The following LRRK1 variants were observed in gnomAD, a reference collection of about 807,000 sequenced individuals.
The protein encoded by LRRK1 is leucine-rich repeat serine/threonine-protein kinase 1.
In LRRK1, 113 loss-of-function variants were observed where a neutral mutation model predicts 209.1. The observed-to-expected ratio is 0.54, with a 90% CI of 0.46 to 0.63. The LOEUF (loss-of-function observed/expected upper bound fraction) is 0.63. Ranked by LOEUF, LRRK1 falls within the 30% of genes least tolerant of loss-of-function variation. The probability of loss-of-function intolerance (pLI) is 0.00; values close to 1 mark genes in which losing one functional copy is unlikely to be tolerated. For missense variants in LRRK1, 2,284 were observed against 2,632.2 expected (o/e 0.87, Z 2.89); for synonymous variants, 1,144 against 1,099.7 (o/e 1.04, Z -0.80).
chr15:101,046,055 C>T lies in LRRK1; in HGVS notation c.3038C>T (p.Thr1013Ile). 2 of 1,614,198 alleles carry T rather than the reference C, an allele frequency of 1.2e-6. No individual in the cohort carries two copies. The highest frequency in any genetic ancestry group is 1.7e-6 in the Non-Finnish European group (2 of 1,180,018). ...THGMRHPTAN[T>I]IQRVFKMSFV... Reference sequence around the variant, plus strand: ...GGTATGCGGCACCCCACAGCCAACACCATTCAGAGGGTATTTAAGATGAGC... The same window carrying T: ...GGTATGCGGCACCCCACAGCCAACATCATTCAGAGGGTATTTAAGATGAGC... Residue 1013 changes from threonine to isoleucine, a missense_variant, in exon 21 of 34, where the codon ACC becomes ATC. Coordinates refer to ENST00000388948, the MANE Select transcript of LRRK1 (RefSeq NM_024652.6).
At chr15:100,921,351 A>C (rs1393779274) in intron 1 of LRRK1, among the ~76,000 whole-genome samples, 3 of 152,232 alleles carry the variant, frequency 2.0e-5, no homozygotes, top group African/African-American at 7.2e-5. Flanking sequence ...TGCAGCTCCA[A>C]GATATTTGGA....
chr15:101,055,169 C>A lies in LRRK1; in HGVS notation c.4278C>A (p.Gly1426=). 1 of 1,608,476 alleles carries A rather than the reference C, an allele frequency of 6.2e-7. No homozygotes were observed. The highest frequency in any genetic ancestry group is 8.5e-7 in the Non-Finnish European group (1 of 1,176,966). ...SFHEGALGVE[G]TPGYQAPEIR... Reference sequence around the variant, plus strand: ...ATGAGGGCGCCCTAGGCGTGGAGGGCACTCCTGGCTACCAGGCCCCAGAGA... The same window carrying A: ...ATGAGGGCGCCCTAGGCGTGGAGGGAACTCCTGGCTACCAGGCCCCAGAGA... Residue 1426 remains glycine (G), a synonymous_variant, in exon 27 of 34, where the codon GGC becomes GGA. Transcript: ENST00000388948.
In LRRK1 at chr15:100,929,521, C is replaced by G. The variant is rs532081378; in HGVS notation, c.97+4792C>G. ...TAATATAGGAGCTAAGAGGTTTGCT[C>G]AAGTAGGGTCTCTTCCTGCCTTCCA... On this transcript the variant is annotated intron_variant, in intron 2 of 33. Transcript: ENST00000388948. Among the ~76,000 whole-genome samples the G allele has an allele frequency of 6.7e-4, 102 of 152,292 alleles. 1 individual carries two copies. The highest frequency in any genetic ancestry group is 2.5e-3 in the African/African-American group (102 of 41,542).
At chr15:100,957,731 G>A (rs1428380866) in intron 2 of LRRK1, among the ~76,000 whole-genome samples, 1 of 152,094 alleles carries the variant, frequency 6.6e-6, no homozygotes, top group African/African-American at 2.4e-5. Context: ...GCTGGTTCTT[G>A]GATTTTTTAA....
rs771121002 is a variant in LRRK1 at position 101,055,211 on chromosome 15, A to C, written c.4320A>C (p.Val1440=). The C allele has an allele frequency of 1.3e-6, 2 of 1,569,118 alleles. No homozygotes were observed. ...YQAPEIRPRI[V]YDEKVDMFSY... ...CCCCAGAGATCAGGCCTCGCATTGT[A>C]TATGATGAGAAGGTACGTGCCTGGA... is the stretch of plus-strand genomic sequence containing the variant. Residue 1440 remains valine, a synonymous_variant, in exon 27 of 34, where the codon GTA becomes GTC. Transcript: ENST00000388948.
chr15:100,926,601 G>GA (rs1289406098), intron 2 of LRRK1, among the ~76,000 whole-genome samples: 7 of 151,374 alleles, frequency 4.6e-5, no homozygotes, highest in Middle Eastern at 3.4e-3. Flanking sequence ...CTTGGGGCAG[G>GA]GGGGCGGGGA....
rs763241930 is a variant in LRRK1 at position 101,053,383 on chromosome 15, C to T, written c.4017C>T (p.Leu1339=). 2.5e-6 allele frequency: 4 copies of T among 1,599,956 alleles called. No individual in the cohort carries two copies. ...GCTTCGCCCTGGAGCTCGCGCCGCT[C>T]AGCAGCCTCAACACCGTGCTGTCCG... ...PLCFALELAP[L]SSLNTVLSEN... Residue 1339 remains leucine (L), a synonymous_variant, in exon 26 of 34, where the codon CTC becomes CTT. Coordinates refer to ENST00000388948, the MANE Select transcript of LRRK1 (RefSeq NM_024652.6).
intron 20 of LRRK1, among the ~76,000 whole-genome samples, chr15:101,033,421 C>T (rs547062566): frequency 1.3e-4 from 20 of 152,296 alleles, no homozygotes; most frequent in African/African-American, 4.6e-4. Flanking sequence ...CTCTTCCTCC[C>T]ACTCTCACAC....
At chr15:101,011,133 A>G (rs1413821546) in intron 9 of LRRK1, among the ~76,000 whole-genome samples, 1 of 152,080 alleles carries the variant, frequency 6.6e-6, no homozygotes, top group East Asian at 1.9e-4. Flanking sequence ...TCATGCCTGA[A>G]AAAAGGAGGG....
rs184085512 is a variant in LRRK1 at position 100,963,633 on chromosome 15, C to T, written c.98-10171C>T. 7.7e-3 allele frequency among the ~76,000 whole-genome samples: 1,177 copies of T among 152,306 alleles called. 18 individuals carry two copies. Among genetic ancestry groups the T allele is most frequent in the African/African-American group, 0.027 (1,127 of 41,568 alleles). On this transcript the variant is annotated intron_variant, in intron 2 of 33. Transcript: ENST00000388948. ...AGGGACCTCTGCAGAAGTCCTGGCT[C>T]GGGAGTAGTCTTTTAGTGTGCACCG...
chr15:101,043,246 C>A (rs1020655427), intron 20 of LRRK1, among the ~76,000 whole-genome samples: 2 of 152,238 alleles, frequency 1.3e-5, no homozygotes, highest in South Asian at 4.1e-4. Context: ...GACCCGGCCA[C>A]CTGGGAACCA....
In LRRK1 at chr15:100,958,015, A is replaced by G. The variant is rs373676158; in HGVS notation, c.98-15789A>G. ...TGAGTAGCTGGGATTACAGGCAGCCACCACCACACCCAACTAATTTTTGTG... is the reference window on the plus strand; with the variant it reads ...TGAGTAGCTGGGATTACAGGCAGCCGCCACCACACCCAACTAATTTTTGTG... On this transcript the variant is annotated intron_variant, in intron 2 of 33. Coordinates refer to ENST00000388948, the MANE Select transcript of LRRK1 (RefSeq NM_024652.6). 4.6e-5 allele frequency among the ~76,000 whole-genome samples: 7 copies of G among 152,166 alleles called. No homozygotes were observed. The East Asian group carries it at 1.2e-3, about 25-fold the overall frequency.
intron 10 of LRRK1, 147 bp downstream of exon 10, chr15:101,012,292 C>CAT: frequency 1.3e-6 from 1 of 778,742 alleles, no homozygotes. Flanking sequence ...CAAAAATATG[C>CAT]ATGGCCACGA....
intron 2 of LRRK1, among the ~76,000 whole-genome samples, chr15:100,955,337 G>A (rs961749672): frequency 6.6e-6 from 1 of 152,000 alleles, no homozygotes; most frequent in African/African-American, 2.4e-5. Context: ...ATGATTTTTT[G>A]TATGTTGATT....
intron 12 of LRRK1, among the ~76,000 whole-genome samples, chr15:101,020,567 G>T (rs527320370): frequency 6.6e-6 from 1 of 151,786 alleles, no homozygotes; most frequent in Non-Finnish European, 1.5e-5. Flanking sequence ...GTAGAGACAG[G>T]GTTTTACCAT....
At chr15:101,007,161 G>A (rs78855787) in intron 6 of LRRK1, among the ~76,000 whole-genome samples, 2,835 of 152,316 alleles carry the variant, frequency 0.019, 99 homozygotes, top group African/African-American at 0.065. Flanking sequence ...TGGCCAAATA[G>A]GGATGCCCGT....
intron 20 of LRRK1, among the ~76,000 whole-genome samples, chr15:101,040,052 G>C (rs989562070): frequency 2.6e-5 from 4 of 152,064 alleles, no homozygotes; most frequent in Non-Finnish European, 4.4e-5. Context: ...GTCTTTATGG[G>C]TTATCAGACA....
At position 101,065,542 on chromosome 15, in the gene LRRK1, G is replaced by C; in HGVS notation, c.5105G>C (p.Gly1702Ala). The change falls in exon 32 of 34, where the codon GGC (glycine) becomes GCC (alanine). Residue 1702 changes from glycine (G) to alanine (A), a missense_variant. Physicochemically the swap from Gly to Ala is moderately conservative, Grantham distance 60. Coordinates refer to ENST00000388948, the MANE Select transcript of LRRK1 (RefSeq NM_024652.6). Reference protein sequence around the residue: ...PVKAMEVVNSGSEVWYSNGPG... With the variant: ...PVKAMEVVNSASEVWYSNGPG... The stretch of plus-strand genomic sequence containing the variant: ...AAGGCCATGGAGGTGGTCAACAGCG[G>C]CTCTGAGGTCTGGTACAGCAATGGG... The C allele has an allele frequency of 6.2e-7, 1 of 1,614,184 alleles. No homozygotes were observed. Among genetic ancestry groups the C allele is most frequent in the South Asian group, 1.1e-5 (1 of 91,078 alleles).
At chr15:101,032,845 A>T (rs1172406518) in intron 20 of LRRK1, among the ~76,000 whole-genome samples, 1 of 152,200 alleles carries the variant, frequency 6.6e-6, no homozygotes, top group Non-Finnish European at 1.5e-5. Flanking sequence ...TTCCACTAAT[A>T]TATATGCCTA....
Sources: gnomAD v4.1 joint callset for allele counts (sites outside exome capture counted in the v4.1 genomes callset) on GRCh38, gnomAD v4.1.1 for gene constraint, MANE v1.5 for transcripts, NCBI Gene and HGNC (gene_info 2026-07-23, HGNC 2026-07-21) for gene names.